EHF: variants seen among roughly 807,000 people sequenced by gnomAD.
The protein encoded by EHF is ESE3 transcription factor.
EHF carries 14 observed loss-of-function variants against 45.1 expected under a neutral mutation model. That is an observed-to-expected ratio of 0.31 (90% CI 0.21 to 0.49). The LOEUF (loss-of-function observed/expected upper bound fraction) is 0.49, where lower values mean the gene tolerates loss of function less well. Ranked by LOEUF, EHF falls within the 20% of genes least tolerant of loss-of-function variation. EHF has a pLI of 0.99. For synonymous variants in EHF, 136 were observed against 131.8 expected (o/e 1.03, Z -0.22); for missense variants, 282 against 371.4 (o/e 0.76, Z 1.98).
intron 3 of EHF, among the ~76,000 whole-genome samples, 195 bp from the exon 4 acceptor site, chr11:34,648,824 C>T (rs1284418986): frequency 6.6e-6 from 1 of 152,088 alleles, no homozygotes; most frequent in Admixed American, 6.6e-5. Context: ...CTTAGATTCC[C>T]AATTTTCTGG....
intron 1 of EHF, among the ~76,000 whole-genome samples, chr11:34,641,324 C>T (rs577996197): frequency 1.3e-5 from 2 of 152,240 alleles, no homozygotes; most frequent in African/African-American, 2.4e-5. Context: ...AGAATAGTGC[C>T]CAGCCCATTA....
intron 1 of EHF, among the ~76,000 whole-genome samples, chr11:34,629,405 G>A (rs556400065): frequency 6.6e-6 from 1 of 152,316 alleles, no homozygotes; most frequent in South Asian, 2.1e-4. Flanking sequence ...TGTGCCACGA[G>A]TCTAGTGTTC....
intron 2 of EHF, among the ~76,000 whole-genome samples, chr11:34,645,503 C>T (rs1333497602): frequency 6.6e-6 from 1 of 152,178 alleles, no homozygotes; most frequent in African/African-American, 2.4e-5. Flanking sequence ...TCTGTGACCT[C>T]AAGCATACAA....
At chr11:34,642,888 C>T (rs751091113) in intron 2 of EHF, among the ~76,000 whole-genome samples, 161 bp downstream of exon 2, 6 of 152,160 alleles carry the variant, frequency 3.9e-5, no homozygotes, top group Non-Finnish European at 7.4e-5. Flanking sequence ...CTACCAGCCC[C>T]CAGCGTTCCA....
chr11:34,633,753 T>A (rs916881468), intron 1 of EHF, among the ~76,000 whole-genome samples: 3 of 152,130 alleles, frequency 2.0e-5, no homozygotes, highest in Non-Finnish European at 4.4e-5. Flanking sequence ...CTTAATCATA[T>A]CTGATGGGTT....
At chr11:34,631,591 G>A in intron 1 of EHF, 1 of 984,522 alleles carries the variant, frequency 1.0e-6, no homozygotes, top group Non-Finnish European at 1.2e-6. Flanking sequence ...CAAATCTCTT[G>A]GCAGGAGATG....
At chr11:34,643,471 A>G (rs1034599753) in intron 2 of EHF, among the ~76,000 whole-genome samples, 1 of 152,094 alleles carries the variant, frequency 6.6e-6, no homozygotes, top group African/African-American at 2.4e-5. Context: ...CTCAATCCAC[A>G]CCCACTGCTA....
chr11:34,635,305 CAGTCCTT>C (rs1853274944), intron 1 of EHF, among the ~76,000 whole-genome samples: 1 of 152,102 alleles, frequency 6.6e-6, no homozygotes, highest in Admixed American at 6.6e-5. Flanking sequence ...GCCAGTGGAG[CAGTCCTT>C]GGGCTTGTTA....
At chr11:34,633,824 C>T (rs1245733552) in intron 1 of EHF, among the ~76,000 whole-genome samples, 1 of 152,116 alleles carries the variant, frequency 6.6e-6, no homozygotes, top group Non-Finnish European at 1.5e-5. Context: ...TGAGTGCCTG[C>T]CACTGTCAGT....
At chr11:34,626,108 G>A (rs961834215) in intron 1 of EHF, among the ~76,000 whole-genome samples, 1 of 152,154 alleles carries the variant, frequency 6.6e-6, no homozygotes, top group East Asian at 1.9e-4. Context: ...TTGTCTCAAT[G>A]TCCTTTTTCT....
chr11:34,658,458 C>G, intron 7 of EHF, 75 bp from the exon 8 acceptor site: 1 of 1,298,860 alleles, frequency 7.7e-7, no homozygotes. Context: ...AGGAAGATGA[C>G]CTAACTCAAT....
At chr11:34,641,441 C>G (rs286904) in intron 1 of EHF, among the ~76,000 whole-genome samples, 124,517 of 152,158 alleles carry the variant, frequency 0.82, 51,203 homozygotes, top group Middle Eastern at 0.88. Context: ...CAAGAGGAGC[C>G]GTAGCTAAAT....
intron 1 of EHF, among the ~76,000 whole-genome samples, chr11:34,640,443 C>A (rs1385430248): frequency 6.6e-6 from 1 of 152,228 alleles, no homozygotes; most frequent in Non-Finnish European, 1.5e-5. Context: ...TGAGCTTCAG[C>A]CCTTTCAGGG....
chr11:34,658,528 A>C lies in EHF; in HGVS notation c.608-5A>C. 7.5e-6 allele frequency: 12 copies of C among 1,609,660 alleles called. No individual in the cohort carries two copies. Among genetic ancestry groups the C allele is most frequent in the Non-Finnish European group, 1.0e-5 (12 of 1,177,300 alleles). On this transcript the variant is annotated splice_region_variant and splice_polypyrimidine_tract_variant and intron_variant, in intron 7 of 8. Coordinates refer to ENST00000257831, the MANE Select transcript of EHF (RefSeq NM_012153.6). ...TTAGTAACCTGCCTTTCTGCTTTTC[A>C]TCAGACCCGAGAGGGACTCACTTAT...
intron 1 of EHF, chr11:34,624,286 A>G (rs1283543363): frequency 2.0e-6 from 2 of 985,284 alleles, no homozygotes; most frequent in Non-Finnish European, 2.4e-6. Flanking sequence ...GTTACTGGGA[A>G]ACCGAACGCG....
At chr11:34,632,489 G>A in intron 1 of EHF, 3 of 1,530,946 alleles carry the variant, frequency 2.0e-6, no homozygotes, top group Non-Finnish European at 2.6e-6. Context: ...TCTGCCCTGA[G>A]TGGAGATTGG....
At chr11:34,628,956 T>C (rs1372293422) in intron 1 of EHF, among the ~76,000 whole-genome samples, 1 of 152,188 alleles carries the variant, frequency 6.6e-6, no homozygotes, top group South Asian at 2.1e-4. Context: ...CAAAGGGCCC[T>C]GCATGTTCCT....
chr11:34,633,933 G>A (rs979038886), intron 1 of EHF, among the ~76,000 whole-genome samples: 1 of 152,048 alleles, frequency 6.6e-6, no homozygotes, highest in African/African-American at 2.4e-5. Flanking sequence ...TACCTATAAT[G>A]GATCCAGACT....
intron 6 of EHF, 62 bp from the exon 7 acceptor site, chr11:34,656,846 A>G: frequency 6.4e-7 from 1 of 1,570,210 alleles, no homozygotes; most frequent in Non-Finnish European, 8.7e-7. Context: ...GAGTGGATGC[A>G]TGAATAAAAA....
Sources: allele counts gnomAD v4.1 joint callset (sites outside exome capture counted in the v4.1 genomes callset), GRCh38; gene constraint gnomAD v4.1.1; transcripts MANE v1.5; gene names NCBI Gene and HGNC (gene_info 2026-07-23, HGNC 2026-07-21).